FRMPD3: variants seen among roughly 807,000 people sequenced by gnomAD.
FRMPD3 encodes the protein FERM and PDZ domain-containing protein 3.
A neutral mutation model predicts 97.9 loss-of-function variants in FRMPD3; 42 were observed. That is an observed-to-expected ratio of 0.43 (90% confidence interval 0.34 to 0.55). The LOEUF (loss-of-function observed/expected upper bound fraction) is 0.55, where lower values mean the gene tolerates loss of function less well. Among genes scored for constraint, FRMPD3 ranks in the 20% least tolerant of loss-of-function variants. The pLI is 0.03. For synonymous variants in FRMPD3, 577 were observed against 581.1 expected (o/e 0.99, Z 0.10); for missense variants, 1,303 against 1,457.7 (o/e 0.89, Z 1.73).
intron 12 of FRMPD3, among the ~76,000 whole-genome samples, chrX:107,567,363 T>C (rs1003277434): frequency 8.9e-6 from 1 of 111,910 alleles, no homozygotes; most frequent in South Asian, 3.7e-4. Flanking sequence ...ACTCAATGAA[T>C]GAGACCTGTT....
At chrX:107,491,189 A>G (rs1347930613) in intron 1 of FRMPD3, among the ~76,000 whole-genome samples, 1 of 112,159 alleles carries the variant, frequency 8.9e-6, no homozygotes, top group Non-Finnish European at 1.9e-5. Context: ...CAATAACAGC[A>G]ACATCATCAC....
intron 1 of FRMPD3, among the ~76,000 whole-genome samples, 93 bp downstream of exon 1, chrX:107,450,098 G>T (rs1250879914): frequency 9.0e-6 from 1 of 110,544 alleles, no homozygotes; most frequent in Non-Finnish European, 1.9e-5. Flanking sequence ...CGGGCCGGCT[G>T]GGGGGCGACT....
At chrX:107,527,344 C>T (rs1415501875) in intron 2 of FRMPD3, among the ~76,000 whole-genome samples, 2 of 112,673 alleles carry the variant, frequency 1.8e-5, no homozygotes, top group African/African-American at 6.5e-5. Context: ...GTTTAATTCT[C>T]ACAGCCACCC....
At chrX:107,553,936 A>G (rs190742702) in intron 7 of FRMPD3, among the ~76,000 whole-genome samples, 98 of 112,428 alleles carry the variant, frequency 8.7e-4, no homozygotes, top group African/African-American at 3.0e-3. Flanking sequence ...TTATCAATAC[A>G]GTGCCAAGAT....
chrX:107,464,466 T>A (rs374461868), intron 1 of FRMPD3, among the ~76,000 whole-genome samples: 4 of 111,302 alleles, frequency 3.6e-5, no homozygotes, highest in African/African-American at 1.3e-4. Context: ...TGAAATTTTA[T>A]GTAGAATGTT....
intron 1 of FRMPD3, among the ~76,000 whole-genome samples, chrX:107,458,720 G>A (rs1490622272): frequency 1.8e-5 from 2 of 111,640 alleles, no homozygotes; most frequent in African/African-American, 6.5e-5. Context: ...GTAAACCTTG[G>A]GGGCTGTCGG....
intron 13 of FRMPD3, among the ~76,000 whole-genome samples, chrX:107,576,863 G>A (rs918812572): frequency 1.8e-5 from 2 of 111,058 alleles, no homozygotes; most frequent in Non-Finnish European, 3.8e-5. Flanking sequence ...TGAAAAGGAG[G>A]TGGCTCAAAG....
intron 1 of FRMPD3, among the ~76,000 whole-genome samples, chrX:107,519,235 C>T (rs1217222486): frequency 8.9e-6 from 1 of 112,244 alleles, no homozygotes; most frequent in Non-Finnish European, 1.9e-5. Context: ...GTGGTTCACA[C>T]CTGTAATCCT....
chrX:107,495,803 A>G (rs1921762269), intron 1 of FRMPD3, among the ~76,000 whole-genome samples: 1 of 112,754 alleles, frequency 8.9e-6, no homozygotes, highest in Non-Finnish European at 1.9e-5. Flanking sequence ...AATGACCACA[A>G]ACTAATATGA....
At chrX:107,558,241 G>T (rs1476165453) in intron 8 of FRMPD3, among the ~76,000 whole-genome samples, 1 of 110,987 alleles carries the variant, frequency 9.0e-6, no homozygotes, top group South Asian at 3.8e-4. Flanking sequence ...TGTTTTGTCA[G>T]ATTTGTCCCT....
rs1402730895 is a variant in FRMPD3, at chrX:107,461,397, A to G, written c.-8+11392A>G. On this transcript the variant is annotated intron_variant, in intron 1 of 14. Coordinates refer to ENST00000683843, the MANE Select transcript of FRMPD3 (RefSeq NM_001388459.1). ...GCCCAAGGCCTGAGACTTGGAATCA[A>G]TCACTCCCTCCCCACTCCAGTCAGT... Among the ~76,000 whole-genome samples, 13 of 110,248 alleles carry G rather than the reference A, an allele frequency of 1.2e-4. No individual in the cohort carries two copies. The Admixed American group carries it at 1.3e-3, about 11-fold the overall frequency.
intron 1 of FRMPD3, among the ~76,000 whole-genome samples, chrX:107,479,865 C>G (rs57507400): frequency 0.025 from 1,418 of 57,846 alleles, 14 homozygotes; most frequent in East Asian, 0.065. Flanking sequence ...CACACACACA[C>G]AGAGAGAGAG....
At chrX:107,590,427 T>C (rs1923854487) in intron 13 of FRMPD3, among the ~76,000 whole-genome samples, 1 of 112,544 alleles carries the variant, frequency 8.9e-6, no homozygotes, top group Non-Finnish European at 1.9e-5. Context: ...TCTAAGCTTT[T>C]ATCCTTTCAT....
rs73522840 is a variant in FRMPD3 at position 107,543,227 on chromosome X, C to T, written c.298-2510C>T. On this transcript the variant is annotated intron_variant, in intron 4 of 14. Coordinates refer to ENST00000683843, the MANE Select transcript of FRMPD3 (RefSeq NM_001388459.1). ...TCAGACTCTGTTCAATCAAATCCCT[C>T]TAGTGGAGTGAAATCCAAAGTTCTC... Among the ~76,000 whole-genome samples the T allele has an allele frequency of 9.8e-3, 1,089 of 111,109 alleles. 12 individuals carry two copies. The highest frequency in any genetic ancestry group is 0.034 in the African/African-American group (1,036 of 30,520).
chrX:107,560,849 C>A lies in FRMPD3; in HGVS notation c.1022C>A (p.Thr341Asn). The change falls in exon 10 of 15, where the codon ACC (threonine) becomes AAC (asparagine). Residue 341 changes from threonine (T) to asparagine (N), a missense_variant. Thr to Asn is a moderately conservative substitution (Grantham distance 65, BLOSUM62 0). Around this residue, in one of 3 missense-constraint regions of FRMPD3, gnomAD observed 535 missense variants for 618.6 expected, o/e 0.86. Coordinates refer to ENST00000683843, the MANE Select transcript of FRMPD3 (RefSeq NM_001388459.1). ...CACCAAACACATCCTTCCTGCGGCACCAAGGTATCCAGAGTAGACCACTGG... is the reference window on the plus strand; with the variant it reads ...CACCAAACACATCCTTCCTGCGGCAACAAGGTATCCAGAGTAGACCACTGG... ...KAHQTHPSCG[T>N]KGSAIQAKLQ... 1 of 1,193,403 alleles carries A rather than the reference C, an allele frequency of 8.4e-7. No individual in the cohort carries two copies. The highest frequency in any genetic ancestry group is 1.9e-5 in the South Asian group (1 of 53,559).
intron 1 of FRMPD3, among the ~76,000 whole-genome samples, chrX:107,506,349 G>A (rs1420301577): frequency 8.9e-6 from 1 of 112,288 alleles, no homozygotes; most frequent in East Asian, 2.8e-4. Flanking sequence ...AGTGGAGGTA[G>A]GGACACAGGT....
chrX:107,468,830 G>A (rs753295866), intron 1 of FRMPD3, among the ~76,000 whole-genome samples: 4 of 112,857 alleles, frequency 3.5e-5, no homozygotes, highest in Non-Finnish European at 5.6e-5. Context: ...ACACCTCCAC[G>A]TGGGTAGAGG....
intron 1 of FRMPD3, among the ~76,000 whole-genome samples, chrX:107,473,481 T>C (rs1189771070): frequency 8.9e-6 from 1 of 111,870 alleles, no homozygotes; most frequent in Non-Finnish European, 1.9e-5. Flanking sequence ...GCCCTGAACA[T>C]GATTTCAGGA....
chrX:107,471,079 A>G (rs1921043608), intron 1 of FRMPD3, among the ~76,000 whole-genome samples: 1 of 112,586 alleles, frequency 8.9e-6, no homozygotes, highest in South Asian at 3.7e-4. Flanking sequence ...CAGCAGAAGC[A>G]GTAGAGGGGA....
Sources: allele counts gnomAD v4.1 joint callset (sites outside exome capture counted in the v4.1 genomes callset), GRCh38; gene constraint gnomAD v4.1.1; regional missense constraint gnomAD v4.1.1; transcripts MANE v1.5; gene names NCBI Gene and HGNC (gene_info 2026-07-23, HGNC 2026-07-21).